The following CBLN1 variants were observed in gnomAD, a reference collection of about 807,000 sequenced individuals.
CBLN1 encodes cerebellin-1.
A neutral mutation model predicts 15.9 loss-of-function variants in CBLN1; 5 were observed. The ratio of observed to expected loss-of-function variants is 0.31; its 90% confidence interval spans 0.16 to 0.66. CBLN1 has a LOEUF of 0.66. Among genes scored for constraint, CBLN1 ranks in the 30% least tolerant of loss-of-function variants. CBLN1 has a pLI of 0.75. For synonymous variants in CBLN1, 90 were observed against 107.6 expected (o/e 0.84, Z 1.01); for missense variants, 164 against 253.7 (o/e 0.65, Z 2.40).
rs551173790 is a variant in CBLN1, at chr16:49,279,315, C to G, written c.*89G>C. 58 of 1,238,658 alleles carry G rather than the reference C, an allele frequency of 4.7e-5. No homozygotes were observed. The South Asian group carries it at 7.1e-4, about 15-fold the overall frequency. The allele number at this position is 1,238,658 out of a possible 1,614,324, so 76.7% of individuals were successfully genotyped here. ...AACATGTAGGAAGTTTCAAGTCGTG[C>G]TGCTTTCTCGCCCTCTTAATTTCAG... On this transcript the variant is annotated 3_prime_UTR_variant, in exon 3 of 3. Coordinates refer to ENST00000219197, the MANE Select transcript of CBLN1 (RefSeq NM_004352.4).
intron 2 of CBLN1, among the ~76,000 whole-genome samples, chr16:49,279,821 T>C (rs1963240190): frequency 1.3e-5 from 2 of 152,098 alleles, no homozygotes; most frequent in Admixed American, 6.5e-5. Context: ...GAAGGGCCTG[T>C]CCCCAAAACG....
intron 2 of CBLN1, among the ~76,000 whole-genome samples, chr16:49,280,123 G>C (rs1963244481): frequency 6.6e-6 from 1 of 152,118 alleles, no homozygotes; most frequent in African/African-American, 2.4e-5. Flanking sequence ...GTGATTAGAA[G>C]TCTCGCACCG....
chr16:49,280,881 C>T (rs776471454), intron 2 of CBLN1, 42 bp downstream of exon 2: 9 of 1,613,012 alleles, frequency 5.6e-6, no homozygotes, highest in Non-Finnish European at 6.8e-6. Context: ...AGGCCAGTAA[C>T]CCCCCTACGG....
rs1963268957 is a variant in CBLN1 at position 49,280,862 on chromosome 16, G to A, written c.384+61C>T. 4 of 1,602,836 alleles carry A rather than the reference G, an allele frequency of 2.5e-6. No homozygotes were observed. In the East Asian group the frequency reaches 8.9e-5, roughly 36 times the overall value. ...TGCCTACCACCTCCGGACAGCCCGAGCACCCCTGAGGCCAGTAACCCCCCT... is the reference window on the plus strand; with the variant it reads ...TGCCTACCACCTCCGGACAGCCCGAACACCCCTGAGGCCAGTAACCCCCCT... On this transcript the variant is annotated intron_variant, in intron 2 of 2. Transcript: ENST00000219197.
chr16:49,280,308 T>C (rs915746882), intron 2 of CBLN1, among the ~76,000 whole-genome samples: 5 of 152,156 alleles, frequency 3.3e-5, no homozygotes, highest in Non-Finnish European at 5.9e-5. Flanking sequence ...CTGGACATCT[T>C]TGGGGACCCG....
rs982178032 is a variant in CBLN1, at chr16:49,281,672, C to T, written c.-207G>A. On this transcript the variant is annotated 5_prime_UTR_variant, in exon 1 of 3. Transcript: ENST00000219197. ...CCCTCCGCGCTGTGTTCCCGGAGCC[C>T]CTCCCGGGCCTCAGGGGTGCCGCGG... 15 of 396,848 alleles carry T rather than the reference C, an allele frequency of 3.8e-5. No homozygotes were observed. The highest frequency in any genetic ancestry group is 3.2e-4 in the African/African-American group (15 of 47,604). The allele number at this position is 396,848 out of a possible 1,614,324, so 24.6% of individuals were successfully genotyped here.
At position 49,279,524 on chromosome 16, in the gene CBLN1, G is replaced by A; in HGVS notation, c.462C>T (p.Ser154=). 1 of 1,614,218 alleles carries A rather than the reference G, an allele frequency of 6.2e-7. No homozygotes were observed. Among genetic ancestry groups the A allele is most frequent in the Non-Finnish European group, 8.5e-7 (1 of 1,180,038 alleles). Residue 154 remains serine (S), a synonymous_variant, in exon 3 of 3, where the codon AGC becomes AGT. Coordinates refer to ENST00000219197, the MANE Select transcript of CBLN1 (RefSeq NM_004352.4). ...TCTCCATTTGGATTAGGACTCCGTT[G>A]CTGGCGGCCTCCCGGGTCACGTCCT... is the stretch of plus-strand genomic sequence containing the variant. The part of the protein sequence containing the change: ...GDQDVTREAA[S]NGVLIQMEKG...
chr16:49,279,698 A>C, intron 2 of CBLN1, 97 bp from the exon 3 acceptor site: 12 of 467,318 alleles, frequency 2.6e-5, no homozygotes, highest in East Asian at 5.9e-5. Flanking sequence ...ACAGCCTGTA[A>C]GGCCTGGAAG....
chr16:49,280,886 C>G (rs758549268), intron 2 of CBLN1, 37 bp downstream of exon 2: 2 of 1,613,834 alleles, frequency 1.2e-6, no homozygotes, highest in African/African-American at 2.7e-5. Flanking sequence ...AGTAACCCCC[C>G]TACGGGGCCA....
At position 49,281,325 on chromosome 16, in the gene CBLN1, C is replaced by A. The variant is rs749097451; in HGVS notation, c.141G>T (p.Thr47=). The change falls in exon 1 of 3, where the codon ACG becomes ACT. Residue 47 remains threonine, a synonymous_variant. Coordinates refer to ENST00000219197, the MANE Select transcript of CBLN1 (RefSeq NM_004352.4). ...VCDSNPTSDP[T]GTALGISVRS... is the part of the protein sequence containing the mutation. ...GCACAGAGATGCCCAGGGCAGTGCCCGTGGGGTCGGACGTGGGGTTGGAGT... is the reference window on the plus strand; with the variant it reads ...GCACAGAGATGCCCAGGGCAGTGCCAGTGGGGTCGGACGTGGGGTTGGAGT... The A allele has an allele frequency of 3.1e-6, 5 of 1,613,232 alleles. No individual in the cohort carries two copies. In the South Asian group the frequency reaches 3.3e-5, roughly 11 times the overall value.
chr16:49,279,707 A>AG, intron 2 of CBLN1, 106 bp from the exon 3 acceptor site: 1 of 422,238 alleles, frequency 2.4e-6, no homozygotes, highest in South Asian at 2.0e-5. Flanking sequence ...AAGGCCTGGA[A>AG]GCACGGAGAG....
rs1298322559 is a variant in CBLN1, at chr16:49,281,457, G to T, written c.9C>A (p.Gly3=). 1 of 1,520,550 alleles carries T rather than the reference G, an allele frequency of 6.6e-7. No individual in the cohort carries two copies. The highest frequency in any genetic ancestry group is 1.4e-5 in the African/African-American group (1 of 72,524). The allele number at this position is 1,520,550 out of a possible 1,614,324, so 94.2% of individuals were successfully genotyped here. The part of the protein sequence containing the change: ML[G]VLELLLLGAA... ...CCCCCAGCAGCAGCAGCTCCAGGAC[G>T]CCCAGCATCGCGCCGCCGGCGCCCA... The change falls in exon 1 of 3, where the codon GGC becomes GGA. Residue 3 remains glycine (G), a synonymous_variant. Transcript: ENST00000219197.
At position 49,281,019 on chromosome 16, in the gene CBLN1, G is replaced by A; in HGVS notation, c.288C>T (p.Asn96=). 1 of 1,614,244 alleles carries A rather than the reference G, an allele frequency of 6.2e-7. No homozygotes were observed. Among genetic ancestry groups the A allele is most frequent in the South Asian group, 1.1e-5 (1 of 91,088 alleles). ...TGAAAGTGCTGCGTTCTGAATCAAA[G>A]TTGTTCCCAATGTTCACTAGTACCT... The part of the protein sequence containing the change: ...FDQVLVNIGN[N]FDSERSTFIA... The change falls in exon 2 of 3, where the codon AAC becomes AAT. Residue 96 remains asparagine, a synonymous_variant. Coordinates refer to ENST00000219197, the MANE Select transcript of CBLN1 (RefSeq NM_004352.4).
In CBLN1 at chr16:49,281,214, G is replaced by A. The variant is rs1963285076; in HGVS notation, c.252C>T (p.Ile84=). Residue 84 remains isoleucine, a synonymous_variant, in exon 1 of 3, where the codon ATC becomes ATT. Transcript: ENST00000219197. ...AAGGAACACTCACCTGGTCGAAGTA[G>A]ATGATCATGGTGCGATTACTCATCT... is the stretch of plus-strand genomic sequence containing the variant. ...PSEMSNRTMI[I]YFDQVLVNIG... 7 of 1,614,176 alleles carry A rather than the reference G, an allele frequency of 4.3e-6. No individual in the cohort carries two copies. The highest frequency in any genetic ancestry group is 5.9e-6 in the Non-Finnish European group (7 of 1,180,044).
At position 49,281,612 on chromosome 16, in the gene CBLN1, A is replaced by ACTCCGGGACTAGCGTCCC. The variant is rs1963303454; in HGVS notation, c.-165_-148dup. On this transcript the variant is annotated 5_prime_UTR_variant, in exon 1 of 3. Transcript: ENST00000219197. Reference sequence around the variant, plus strand: ...TCTGGACACTACACCTCTTCCTCGCACTCCGGGACTAGCGTCCCCTCCGCG... The same window carrying ACTCCGGGACTAGCGTCCC: ...TCTGGACACTACACCTCTTCCTCGCACTCCGGGACTAGCGTCCCCTCCGGGACTAGCGTCCCCTCCGCG... The ACTCCGGGACTAGCGTCCC allele has an allele frequency of 2.3e-6, 1 of 435,814 alleles. No homozygotes were observed. Among genetic ancestry groups the ACTCCGGGACTAGCGTCCC allele is most frequent in the Non-Finnish European group, 3.8e-6 (1 of 265,414 alleles). 27.0% of individuals were successfully genotyped at this position (435,814 alleles called of 1,614,324 possible). A position where few individuals can be genotyped will look rare whatever the true frequency, so the allele number is the denominator to read the frequency against.
At position 49,281,765 on chromosome 16, in the gene CBLN1, G is replaced by A; in HGVS notation, c.-300C>T. On this transcript the variant is annotated 5_prime_UTR_variant, in exon 1 of 3. Coordinates refer to ENST00000219197, the MANE Select transcript of CBLN1 (RefSeq NM_004352.4). ...CCGCTGCTGCCGCCGCCTCCTGCCCGCACCCGCCGCTGCCGCCGCCGCCGC... is the reference window on the plus strand; with the variant it reads ...CCGCTGCTGCCGCCGCCTCCTGCCCACACCCGCCGCTGCCGCCGCCGCCGC... The A allele has an allele frequency of 3.2e-6, 1 of 314,658 alleles. No individual in the cohort carries two copies. The highest frequency in any genetic ancestry group is 5.8e-6 in the Non-Finnish European group (1 of 173,844). The allele number at this position is 314,658 out of a possible 1,614,324, so 19.5% of individuals were successfully genotyped here. A position where few individuals can be genotyped will look rare whatever the true frequency, so the allele number is the denominator to read the frequency against.
chr16:49,280,447 C>T (rs886665653), intron 2 of CBLN1, among the ~76,000 whole-genome samples: 1 of 152,218 alleles, frequency 6.6e-6, no homozygotes, highest in African/African-American at 2.4e-5. Context: ...AACCCACAGT[C>T]CGCACGGGGT....
In CBLN1 at chr16:49,281,490, C is replaced by T; in HGVS notation, c.-25G>A. ...TCGCGCCGCCGGCGCCCACCCCGCC[C>T]CCCACCCCCAGGGCTGCTCGCGCCA... On this transcript the variant is annotated 5_prime_UTR_variant, in exon 1 of 3. Coordinates refer to ENST00000219197, the MANE Select transcript of CBLN1 (RefSeq NM_004352.4). 9.0e-7 allele frequency: 1 copy of T among 1,105,782 alleles called. No individual in the cohort carries two copies. The highest frequency in any genetic ancestry group is 1.6e-5 in the South Asian group (1 of 61,374). The allele number at this position is 1,105,782 out of a possible 1,614,324, so 68.5% of individuals were successfully genotyped here.
chr16:49,281,089 G>C, intron 1 of CBLN1, 47 bp from the exon 2 acceptor site: 1 of 1,614,168 alleles, frequency 6.2e-7, no homozygotes, highest in Non-Finnish European at 8.5e-7. Context: ...ATCGGTCCCG[G>C]ACTGTCGTCC....
Sources: allele counts gnomAD v4.1 joint callset (sites outside exome capture counted in the v4.1 genomes callset), GRCh38; gene constraint gnomAD v4.1.1; transcripts MANE v1.5; gene names NCBI Gene and HGNC (gene_info 2026-07-23, HGNC 2026-07-21).